Variants in OXR1 observed in about 807,000 individuals in gnomAD.
OXR1 encodes the protein oxidation resistance protein 1.
In OXR1, 41 loss-of-function variants were observed where a neutral mutation model predicts 104.6. That is an observed-to-expected ratio of 0.39 (90% CI 0.31 to 0.51). The LOEUF (loss-of-function observed/expected upper bound fraction) is 0.51. Ranked by LOEUF, OXR1 falls within the 20% of genes least tolerant of loss-of-function variation. OXR1 has a pLI of 0.77. For synonymous variants in OXR1, 348 were observed against 348.4 expected (o/e 1.00, Z 0.01); for missense variants, 955 against 1,031.9 (o/e 0.93, Z 1.02).
At chr8:106,742,372 C>G (rs1834993736) in intron 15 of OXR1, 55 bp downstream of exon 15, 2 of 981,020 alleles carry the variant, frequency 2.0e-6, no homozygotes, top group Non-Finnish European at 3.2e-6. Flanking sequence ...AACATACTGC[C>G]CAAAGCAATT....
chr8:106,357,706 A>G (rs950736812), intron 1 of OXR1, among the ~76,000 whole-genome samples: 4 of 152,146 alleles, frequency 2.6e-5, no homozygotes, highest in Non-Finnish European at 5.9e-5. Flanking sequence ...CACGAGAAAT[A>G]TTTTGTTTGC....
intron 3 of OXR1, among the ~76,000 whole-genome samples, chr8:106,577,901 G>C (rs1817970384): frequency 1.3e-5 from 2 of 152,146 alleles, no homozygotes; most frequent in Non-Finnish European, 2.9e-5. Context: ...GTGGCAACAA[G>C]GGTTCATTCC....
chr8:106,595,238 G>T (rs571640528), intron 3 of OXR1, among the ~76,000 whole-genome samples: 18 of 152,264 alleles, frequency 1.2e-4, no homozygotes, highest in Admixed American at 1.1e-3. Flanking sequence ...TCTGTTTAAA[G>T]AAGTATCATT....
At chr8:106,580,639 A>G (rs561530778) in intron 3 of OXR1, among the ~76,000 whole-genome samples, 56 of 152,090 alleles carry the variant, frequency 3.7e-4, no homozygotes, top group Non-Finnish European at 6.6e-4. Context: ...TAATTTTTTG[A>G]GGAAACTCCA....
At chr8:106,727,096 C>T (rs73699997) in intron 11 of OXR1, among the ~76,000 whole-genome samples, 111 of 152,040 alleles carry the variant, frequency 7.3e-4, no homozygotes, top group African/African-American at 2.5e-3. Context: ...TTTCAAAATT[C>T]ATTTATATGT....
intron 2 of OXR1, among the ~76,000 whole-genome samples, chr8:106,490,537 C>T (rs1160062946): frequency 6.6e-6 from 1 of 150,496 alleles, no homozygotes; most frequent in African/African-American, 2.4e-5. Flanking sequence ...TTTGTGTGTG[C>T]ATATTTTTAG....
intron 2 of OXR1, among the ~76,000 whole-genome samples, chr8:106,440,821 A>G (rs145005207): frequency 8.5e-5 from 13 of 152,264 alleles, no homozygotes; most frequent in African/African-American, 3.1e-4. Flanking sequence ...AAATTAAAAT[A>G]CCAGTATAGC....
chr8:106,630,886 C>T (rs7829865), intron 3 of OXR1, among the ~76,000 whole-genome samples: 4,389 of 152,248 alleles, frequency 0.029, 218 homozygotes, highest in African/African-American at 0.1. Context: ...CAAAACCCTG[C>T]TTCATGCTGT....
intron 11 of OXR1, among the ~76,000 whole-genome samples, chr8:106,716,630 CAAAAAAAAAAAAAAAAAA>C (rs760744812): frequency 1.4e-5 from 1 of 71,368 alleles, no homozygotes; most frequent in Admixed American, 1.9e-4. Flanking sequence ...GACTCCGTCT[CAAAAAAAAAAAAAAAAAA>C]AAAAAAAAAA....
At chr8:106,635,004 A>G (rs752105232) in intron 3 of OXR1, among the ~76,000 whole-genome samples, 9 of 152,194 alleles carry the variant, frequency 5.9e-5, no homozygotes, top group Non-Finnish European at 1.0e-4. Context: ...AAAGTTTGAG[A>G]GGCACTGGTC....
At chr8:106,431,993 TA>T (rs1819378573) in intron 2 of OXR1, among the ~76,000 whole-genome samples, 1 of 152,216 alleles carries the variant, frequency 6.6e-6, no homozygotes, top group African/African-American at 2.4e-5. Flanking sequence ...TTCATTGTCC[TA>T]AAGTCAACAC....
intron 3 of OXR1, among the ~76,000 whole-genome samples, chr8:106,599,521 C>G (rs962866340): frequency 6.6e-6 from 1 of 152,084 alleles, no homozygotes; most frequent in Non-Finnish European, 1.5e-5. Flanking sequence ...GGATTGTTGT[C>G]AAATTTCTTA....
chr8:106,622,609 C>G (rs763982517), intron 3 of OXR1, among the ~76,000 whole-genome samples: 4 of 152,082 alleles, frequency 2.6e-5, no homozygotes, highest in Non-Finnish European at 4.4e-5. Context: ...TGCCCTCTAC[C>G]TTGAAGGCTC....
At chr8:106,492,887 A>T (rs1294374285) in intron 2 of OXR1, among the ~76,000 whole-genome samples, 1 of 152,198 alleles carries the variant, frequency 6.6e-6, no homozygotes, top group Non-Finnish European at 1.5e-5. Context: ...GTCTGTGTTT[A>T]TGAAGATCTG....
intron 1 of OXR1, among the ~76,000 whole-genome samples, chr8:106,323,723 A>G (rs1814330888): frequency 6.6e-6 from 1 of 152,244 alleles, no homozygotes; most frequent in African/African-American, 2.4e-5. Context: ...ACTTCTCCAA[A>G]GAAGACATAC....
At chr8:106,443,597 C>T (rs7832133) in intron 2 of OXR1, among the ~76,000 whole-genome samples, 16,626 of 152,064 alleles carry the variant, frequency 0.11, 3,082 homozygotes, top group African/African-American at 0.38. Context: ...TGTTCCTGTA[C>T]TGGGTGCATA....
At chr8:106,414,755 A>G (rs1324840789) in intron 2 of OXR1, among the ~76,000 whole-genome samples, 2 of 152,114 alleles carry the variant, frequency 1.3e-5, no homozygotes, top group Admixed American at 6.6e-5. Context: ...AATCTTTGGA[A>G]GATTGGTAAG....
At chr8:106,528,717 A>G (rs943874878) in intron 3 of OXR1, among the ~76,000 whole-genome samples, 1 of 152,232 alleles carries the variant, frequency 6.6e-6, no homozygotes, top group African/African-American at 2.4e-5. Context: ...TTAAAAAATA[A>G]AAGGAAAAAA....
chr8:106,502,944 C>A (rs1374364619), intron 2 of OXR1, among the ~76,000 whole-genome samples: 1 of 152,058 alleles, frequency 6.6e-6, no homozygotes, highest in Non-Finnish European at 1.5e-5. Context: ...TCTGGCAAGG[C>A]AAAATTGAAA....
Sources: allele counts gnomAD v4.1 joint callset (sites outside exome capture counted in the v4.1 genomes callset), GRCh38; gene constraint gnomAD v4.1.1; transcripts MANE v1.5; gene names NCBI Gene and HGNC (gene_info 2026-07-23, HGNC 2026-07-21).